The following C4orf50 variants were observed in gnomAD, a reference collection of about 807,000 sequenced individuals.
The protein encoded by C4orf50 is chromosome 4 open reading frame 50, also known as uncharacterized protein C4orf50.
A neutral mutation model predicts 77.2 loss-of-function variants in C4orf50; 80 were observed. That is an observed-to-expected ratio of 1.04 (90% CI 0.87 to 1.25). The LOEUF is 1.25. C4orf50 is among the 50% of genes most tolerant of loss of function. C4orf50 has a pLI of 0.00. For missense variants in C4orf50, 1,257 were observed against 1,152.9 expected (o/e 1.09, Z -1.31); for synonymous variants, 532 against 465.3 (o/e 1.14, Z -1.84).
downstream of C4orf50, among the ~76,000 whole-genome samples, chr4:5,955,082 G>GCCCGC (rs1560561554): frequency 6.6e-6 from 1 of 151,984 alleles, no homozygotes; most frequent in Non-Finnish European, 1.5e-5. This position sits in a 1 kb window ranked among gnomAD's most constrained non-coding sequence, Gnocchi z 5.1. Flanking sequence ...CCCTCTGAGC[G>GCCCGC]CCCGCCCCTA....
At chr4:5,984,322 G>A (rs1394956492) in intron 28 of C4orf50, among the ~76,000 whole-genome samples, 3 of 152,184 alleles carry the variant, frequency 2.0e-5, no homozygotes, top group African/African-American at 4.8e-5. Flanking sequence ...GCAGAAAAAT[G>A]TGACTGTTCA....
intron 25 of C4orf50, among the ~76,000 whole-genome samples, chr4:5,999,654 G>T (rs1211734016): frequency 6.6e-6 from 1 of 152,114 alleles, no homozygotes; most frequent in East Asian, 1.9e-4. Context: ...GCCAGGGACT[G>T]GGAATAGAGC....
At chr4:5,944,235 T>G (rs1718388941) in intron 7 of C4orf50, among the ~76,000 whole-genome samples, 1 of 152,194 alleles carries the variant, frequency 6.6e-6, no homozygotes, top group Non-Finnish European at 1.5e-5. Context: ...GGCTCTCAGC[T>G]TCTCCTGGCT....
intron 30 of C4orf50, 83 bp downstream of exon 8, chr4:5,975,816 G>T (rs761691750): frequency 5.5e-6 from 6 of 1,086,288 alleles, no homozygotes; most frequent in Non-Finnish European, 8.5e-6. Context: ...CAATAGAGGT[G>T]GATTACATGT....
chr4:6,018,254 G>C lies in C4orf50; in HGVS notation c.178C>G (p.Arg60Gly), dbSNP rs759099200. Residue 60 changes from arginine (R) to glycine (G), a missense_variant, in exon 23 of 34, where the codon CGC becomes GGC. Coordinates refer to ENST00000531445, the Ensembl canonical transcript of C4orf50. This position sits in a 1 kb window ranked among gnomAD's most constrained non-coding sequence, Gnocchi z 5.1. The stretch of plus-strand genomic sequence containing the variant: ...AGCGCACCCATATCCATGTCTGGGC[G>C]GCCAGCTGCTTCTTCCTGAAGACAT... The C allele has an allele frequency of 1.3e-5, 5 of 398,864 alleles. No individual in the cohort carries two copies. Among genetic ancestry groups the C allele is most frequent in the Non-Finnish European group, 2.2e-5 (5 of 226,098 alleles). 24.7% of individuals were successfully genotyped at this position (398,864 alleles called of 1,614,324 possible). A position where few individuals can be genotyped will look rare whatever the true frequency, so the allele number is the denominator to read the frequency against.
chr4:5,991,477 G>A (rs528287916), intron 27 of C4orf50, among the ~76,000 whole-genome samples: 59 of 152,296 alleles, frequency 3.9e-4, no homozygotes, highest in Middle Eastern at 3.4e-3. Flanking sequence ...GGGCACACAG[G>A]AGGTGTTTCC....
At position 6,011,258 on chromosome 4, in the gene C4orf50, C is replaced by G. The variant is rs945911026; in HGVS notation, c.426+572G>C. Among the ~76,000 whole-genome samples the G allele has an allele frequency of 6.6e-6, 1 of 152,090 alleles. No homozygotes were observed. Among genetic ancestry groups the G allele is most frequent in the Non-Finnish European group, 1.5e-5 (1 of 67,972 alleles). ...CCATGCAGCGGAGTTGGCCACCTGG[C>G]CCCTCTGGAACTTTCCGACTCACCC... On this transcript the variant is annotated intron_variant, in intron 24 of 33. Coordinates refer to ENST00000531445, the Ensembl canonical transcript of C4orf50. This position sits in a 1 kb window ranked among gnomAD's most constrained non-coding sequence, Gnocchi z 4.2.
rs769910855 is a variant in C4orf50 at position 5,935,784 on chromosome 4, T to TAAAAAAAA, written c.*2474+21109_*2474+21116dup. Among the ~76,000 whole-genome samples, 32 of 31,486 alleles carry TAAAAAAAA rather than the reference T, an allele frequency of 1.0e-3. 2 individuals are homozygous for TAAAAAAAA. The highest frequency in any genetic ancestry group is 1.7e-3 in the African/African-American group (22 of 12,578). The allele number at this position is 31,486 out of a possible 152,430, so 20.7% of individuals were successfully genotyped here. A position where few individuals can be genotyped will look rare whatever the true frequency, so the allele number is the denominator to read the frequency against. On this transcript the variant is annotated intron_variant, in intron 7 of 7. Transcript: ENST00000324058. ...CTGGGCGACAGAGGGAGACTCCGTC[T>TAAAAAAAA]AAAAAAAAAAAAAAAAAAAAAAAAA... is the stretch of plus-strand genomic sequence containing the variant.
chr4:5,922,723 C>T (rs1235292019), intron 7 of C4orf50, among the ~76,000 whole-genome samples: 6 of 152,190 alleles, frequency 3.9e-5, no homozygotes, highest in Non-Finnish European at 7.3e-5. Flanking sequence ...CAGCCTGCAG[C>T]GGCCCTCGTG....
rs1183116929 is a variant in C4orf50 at position 5,905,832 on chromosome 4, G to T, written c.*2475-7644C>A. On this transcript the variant is annotated intron_variant, in intron 7 of 7. Transcript: ENST00000324058. The surrounding 1 kb of genome is among the most constrained non-coding windows in gnomAD (Gnocchi z 5.4). ...CTGAAGAAGAAAGACAAACTGGGGT[G>T]CTCTGGGATGTCGTCATTTGTTCGT... 6.6e-6 allele frequency among the ~76,000 whole-genome samples: 1 copy of T among 151,980 alleles called. No homozygotes were observed. Among genetic ancestry groups the T allele is most frequent in the Non-Finnish European group, 1.5e-5 (1 of 68,018 alleles).
At position 6,015,228 on chromosome 4, in the gene C4orf50, T is replaced by C. The variant is rs1399319563; in HGVS notation, c.287+2917A>G. Reference sequence around the variant, plus strand: ...TGTGATTATATTTGGAGATAAGCCCTTTCAAAGAGGCAATTAAGTTGAAAG... The same window carrying C: ...TGTGATTATATTTGGAGATAAGCCCCTTCAAAGAGGCAATTAAGTTGAAAG... On this transcript the variant is annotated intron_variant, in intron 23 of 33. Transcript: ENST00000531445. This position sits in a 1 kb window ranked among gnomAD's most constrained non-coding sequence, Gnocchi z 4.4. 6.6e-6 allele frequency among the ~76,000 whole-genome samples: 1 copy of C among 152,140 alleles called. No homozygotes were observed. The highest frequency in any genetic ancestry group is 1.5e-5 in the Non-Finnish European group (1 of 68,042).
chr4:5,973,595 G>A, intron 31 of C4orf50, 64 bp downstream of exon 9: 3 of 1,343,432 alleles, frequency 2.2e-6, no homozygotes, highest in Non-Finnish European at 3.1e-6. Context: ...TCAGGCAGGG[G>A]CATGCAAGGG....
chr4:5,907,989 T>C (rs1277117675), intron 7 of C4orf50, among the ~76,000 whole-genome samples: 8 of 152,198 alleles, frequency 5.3e-5, no homozygotes, highest in Non-Finnish European at 1.0e-4. Flanking sequence ...CATATTTCAG[T>C]TGAAGGTAAA....
chr4:5,924,041 G>A (rs1238988392), intron 7 of C4orf50, among the ~76,000 whole-genome samples: 1 of 151,616 alleles, frequency 6.6e-6, no homozygotes, highest in Non-Finnish European at 1.5e-5. Context: ...TTGGACTCTG[G>A]GACCTACACC....
intron 7 of C4orf50, among the ~76,000 whole-genome samples, chr4:5,927,066 T>C (rs1717549047): frequency 6.6e-6 from 1 of 152,030 alleles, no homozygotes; most frequent in African/African-American, 2.4e-5. Flanking sequence ...AAGGGGAAGA[T>C]AGGGAGCAGA....
At chr4:6,006,287 C>A (rs1722250561) in intron 25 of C4orf50, among the ~76,000 whole-genome samples, 1 of 152,166 alleles carries the variant, frequency 6.6e-6, no homozygotes, top group Admixed American at 6.5e-5. Context: ...ATGAGCACTC[C>A]TCTTTGGGCT....
intron 7 of C4orf50, chr4:5,899,969 C>T (rs1716276107): frequency 6.6e-6 from 1 of 152,192 alleles, no homozygotes; most frequent in African/African-American, 2.4e-5. Context: ...CCCCTCTTAC[C>T]CTGCCTGGAC....
At chr4:5,995,691 T>C (rs1303325385) in intron 25 of C4orf50, among the ~76,000 whole-genome samples, 1 of 152,222 alleles carries the variant, frequency 6.6e-6, no homozygotes, top group African/African-American at 2.4e-5. Flanking sequence ...TCATTCTGTC[T>C]GCACCCTCAT....
Position 5,916,752 on chromosome 4 carries a change from G to C in C4orf50, c.*2475-18564C>G, listed in dbSNP as rs951678587. Among the ~76,000 whole-genome samples the C allele has an allele frequency of 6.6e-6, 1 of 152,098 alleles. No homozygotes were observed. Among genetic ancestry groups the C allele is most frequent in the African/African-American group, 2.4e-5 (1 of 41,406 alleles). Reference sequence around the variant, plus strand: ...TCACTCCTGCAGGAAATAGGGTCACGGCCCCGAGAGCACTTCTGTGAAGAG... The same window carrying C: ...TCACTCCTGCAGGAAATAGGGTCACCGCCCCGAGAGCACTTCTGTGAAGAG... On this transcript the variant is annotated intron_variant, in intron 7 of 7. Coordinates refer to the C4orf50 transcript ENST00000324058. This position sits in a 1 kb window ranked among gnomAD's most constrained non-coding sequence, Gnocchi z 4.4.
Sources: allele counts gnomAD v4.1 joint callset (sites outside exome capture counted in the v4.1 genomes callset), GRCh38; gene constraint gnomAD v4.1.1; non-coding constraint Gnocchi (gnomAD v3.1); transcripts MANE v1.5; gene names NCBI Gene and HGNC (gene_info 2026-07-23, HGNC 2026-07-21).